ELF2: variants seen among roughly 807,000 people sequenced by gnomAD.
ELF2 encodes ETS-related transcription factor Elf-2.
ELF2 carries 11 observed loss-of-function variants against 54.8 expected under a neutral mutation model. That is an observed-to-expected ratio of 0.20 (90% confidence interval 0.13 to 0.33). ELF2 has a LOEUF of 0.33. Ranked by LOEUF, ELF2 falls within the 10% of genes least tolerant of loss-of-function variation. ELF2 has a pLI of 1.00. For missense variants in ELF2, 513 were observed against 703.0 expected (o/e 0.73, Z 3.06); for synonymous variants, 203 against 245.1 (o/e 0.83, Z 1.61).
chr4:139,165,441 A>AGT lies in ELF2; in HGVS notation c.-252+11525_-252+11526insAC, dbSNP rs1185092623. On this transcript the variant is annotated intron_variant, in intron 1 of 9. Transcript: ENST00000686138. ...CACTCTGGGAGGCCGAGGTGGATGG[A>AGT]TCACCTGAGGTCAGAGTTCGAGACC... is the stretch of plus-strand genomic sequence containing the variant. Among the ~76,000 whole-genome samples, 3 of 152,240 alleles carry AGT rather than the reference A, an allele frequency of 2.0e-5. No homozygotes were observed. In the East Asian group the frequency reaches 5.8e-4, roughly 29 times the overall value.
intron 4 of ELF2, chr4:139,115,377 C>G (rs1396454571): frequency 1.2e-5 from 13 of 1,056,572 alleles, no homozygotes; most frequent in Non-Finnish European, 1.4e-5. Flanking sequence ...TCCGCCATGG[C>G]GGCCGCCGGG....
intron 1 of ELF2, among the ~76,000 whole-genome samples, chr4:139,170,404 C>T (rs1742177238): frequency 6.6e-6 from 1 of 151,350 alleles, no homozygotes; most frequent in Non-Finnish European, 1.5e-5. Flanking sequence ...GCTGGGGCTA[C>T]AGGTGCACAC....
At chr4:139,137,027 C>CAGAAA (rs1195380241) in intron 3 of ELF2, 1 of 150,082 alleles carries the variant, frequency 6.7e-6, no homozygotes, top group Admixed American at 6.6e-5. Context: ...CCCGGTATTT[C>CAGAAA]TACTACTGTT....
In ELF2 at chr4:139,126,692, C is replaced by T. The variant is rs200119303; in HGVS notation, c.73-1363G>A. 2.0e-5 allele frequency among the ~76,000 whole-genome samples: 3 copies of T among 152,168 alleles called. No individual in the cohort carries two copies. In the East Asian group the frequency reaches 5.8e-4, roughly 29 times the overall value. Reference sequence around the variant, plus strand: ...TCTTCAAAATTATGAAGAAAAATTACTTCCAATCTAGGATTCTTCACCCAG... The same window carrying T: ...TCTTCAAAATTATGAAGAAAAATTATTTCCAATCTAGGATTCTTCACCCAG... On this transcript the variant is annotated intron_variant, in intron 3 of 9. Transcript: ENST00000686138.
In ELF2 at chr4:139,058,878, A is replaced by T; in HGVS notation, c.*105T>A. The T allele has an allele frequency of 6.8e-7, 1 of 1,466,336 alleles. No homozygotes were observed. The highest frequency in any genetic ancestry group is 9.1e-7 in the Non-Finnish European group (1 of 1,099,758). 90.8% of individuals were successfully genotyped at this position (1,466,336 alleles called of 1,614,324 possible). On this transcript the variant is annotated 3_prime_UTR_variant, in exon 10 of 10. Transcript: ENST00000686138. ...GTCTGATTGTTTTTGTATATGCATT[A>T]AAAATGTTTTAAAGTCTTCTTTGAC...
intron 4 of ELF2, among the ~76,000 whole-genome samples, chr4:139,120,840 T>A (rs1363889445): frequency 1.3e-5 from 2 of 152,198 alleles, no homozygotes; most frequent in East Asian, 3.8e-4. Flanking sequence ...CCTGCCAATG[T>A]CTTATTTACT....
At chr4:139,140,413 T>G (rs1738593031) in intron 1 of ELF2, among the ~76,000 whole-genome samples, 1 of 152,198 alleles carries the variant, frequency 6.6e-6, no homozygotes, top group Non-Finnish European at 1.5e-5. Context: ...ACCATTGGAC[T>G]TCTTTCCCTC....
At chr4:139,158,332 C>T (rs1428451836) in intron 1 of ELF2, among the ~76,000 whole-genome samples, 1 of 152,178 alleles carries the variant, frequency 6.6e-6, no homozygotes, top group Non-Finnish European at 1.5e-5. Context: ...GTGCAGGTCA[C>T]AGGAGATATG....
At chr4:139,163,005 G>C (rs202096181) in intron 1 of ELF2, among the ~76,000 whole-genome samples, 1 of 152,124 alleles carries the variant, frequency 6.6e-6, no homozygotes, top group East Asian at 1.9e-4. Context: ...GGCTAAGACA[G>C]GAGGATCCCT....
chr4:139,123,522 T>C (rs1560837911), intron 4 of ELF2, among the ~76,000 whole-genome samples: 1 of 152,188 alleles, frequency 6.6e-6, no homozygotes. Context: ...TTTACTTGAA[T>C]TAATCTAAAT....
chr4:139,121,191 C>T (rs1426334130), intron 4 of ELF2, among the ~76,000 whole-genome samples: 2 of 140,132 alleles, frequency 1.4e-5, no homozygotes, highest in Non-Finnish European at 1.5e-5. Context: ...TCACTGCAAG[C>T]TCCGCCTCCC....
chr4:139,160,897 A>C (rs879866062), intron 1 of ELF2, among the ~76,000 whole-genome samples: 1 of 152,188 alleles, frequency 6.6e-6, no homozygotes, highest in African/African-American at 2.4e-5. Context: ...CGGGAGGTGG[A>C]GGTTGCAGTG....
Position 139,137,826 on chromosome 4 carries a change from T to C in ELF2, c.-125A>G, listed in dbSNP as rs972266783. 1.4e-6 allele frequency: 2 copies of C among 1,399,532 alleles called. No individual in the cohort carries two copies. Among genetic ancestry groups the C allele is most frequent in the African/African-American group, 1.5e-5 (1 of 68,646 alleles). 86.7% of individuals were successfully genotyped at this position (1,399,532 alleles called of 1,614,324 possible). ...GTCAATAGAGATGGAGTGGAGTAGA[T>C]ATCCAGAAATCCAGTCTTCTAAAGA... is the stretch of plus-strand genomic sequence containing the variant. On this transcript the variant is annotated 5_prime_UTR_variant, in exon 3 of 10. The change creates a new upstream start codon in the 5' untranslated region. Transcript: ENST00000686138.
rs570457984 is a variant in ELF2 at position 139,106,351 on chromosome 4, G to C, written c.238+18813C>G. Among the ~76,000 whole-genome samples, 239 of 152,210 alleles carry C rather than the reference G, an allele frequency of 1.6e-3. 2 individuals are homozygous for C. The highest frequency in any genetic ancestry group is 5.7e-3 in the African/African-American group (235 of 41,530). On this transcript the variant is annotated intron_variant, in intron 4 of 9. Transcript: ENST00000686138. ...ATGGATTATTAGAGAAAAGAGAATG[G>C]AAGTAGGGCAGAACATAGAGGAAGA...
intron 4 of ELF2, among the ~76,000 whole-genome samples, chr4:139,083,019 T>C (rs1731353426): frequency 1.3e-5 from 2 of 152,192 alleles, no homozygotes; most frequent in Non-Finnish European, 2.9e-5. Context: ...ATTGTCAGCT[T>C]CACTCCCGCC....
intron 4 of ELF2, among the ~76,000 whole-genome samples, chr4:139,098,032 T>G (rs954660982): frequency 3.3e-5 from 5 of 152,250 alleles, no homozygotes; most frequent in African/African-American, 1.2e-4. Context: ...ACTGATTTTC[T>G]AGACATTGTT....
chr4:139,068,241 G>A (rs752311244), intron 6 of ELF2, among the ~76,000 whole-genome samples: 10 of 152,116 alleles, frequency 6.6e-5, no homozygotes, highest in Non-Finnish European at 1.0e-4. Context: ...AGATGGTCTC[G>A]ATCTCCTGAC....
chr4:139,083,003 G>T (rs1218191689), intron 4 of ELF2, among the ~76,000 whole-genome samples: 1 of 152,182 alleles, frequency 6.6e-6, no homozygotes, highest in Non-Finnish European at 1.5e-5. Context: ...CCAATTCCAT[G>T]CGTACATTGT....
chr4:139,154,163 GAGTTAAA>G (rs1245232515), intron 1 of ELF2, among the ~76,000 whole-genome samples: 3 of 152,174 alleles, frequency 2.0e-5, no homozygotes, highest in African/African-American at 7.2e-5. Flanking sequence ...TATGATTTAA[GAGTTAAA>G]AGTCTATCGG....
Sources: allele counts gnomAD v4.1 joint callset (sites outside exome capture counted in the v4.1 genomes callset), GRCh38; gene constraint gnomAD v4.1.1; transcripts MANE v1.5; gene names NCBI Gene and HGNC (gene_info 2026-07-23, HGNC 2026-07-21).